Variants in XRRA1 observed in about 807,000 individuals in gnomAD.
XRRA1 encodes X-ray radiation resistance associated 1.
In XRRA1, 69 loss-of-function variants were observed where a neutral mutation model predicts 80.2. That is an observed-to-expected ratio of 0.86 (90% CI 0.71 to 1.05). The LOEUF (loss-of-function observed/expected upper bound fraction) is 1.05. XRRA1 is among the 50% of genes least tolerant of loss of function. The pLI is 0.00. For missense variants in XRRA1, 967 were observed against 976.4 expected, an observed-to-expected ratio of 0.99 and a Z score of 0.13; for synonymous variants, 348 against 389.9, an observed-to-expected ratio of 0.89 and a Z score of 1.27.
rs1451955173 is a variant in XRRA1 at position 74,844,868 on chromosome 11, G to A, written c.1927+205C>T. 2.0e-5 allele frequency among the ~76,000 whole-genome samples: 3 copies of A among 152,262 alleles called. No homozygotes were observed. The East Asian group carries it at 5.8e-4, about 29-fold the overall frequency. On this transcript the variant is annotated intron_variant, in intron 16 of 18. Coordinates refer to ENST00000684022, the MANE Select transcript of XRRA1 (RefSeq NM_001378157.1). ...AAACTGTGGCTCCCCATAAGCCAGT[G>A]AAGGCCTAGGCCAGGACAGGGGTCC...
At position 74,843,625 on chromosome 11, in the gene XRRA1, CT is replaced by C. The variant is rs1441154599; in HGVS notation, c.2150-173del. On this transcript the variant is annotated intron_variant, in intron 18 of 18. Coordinates refer to ENST00000684022, the MANE Select transcript of XRRA1 (RefSeq NM_001378157.1). ...GGAAGTCACTGACTTCCTACTGCCC[CT>C]ATGCATTGACTCTATCTTAAGCCCT... 5.4e-6 allele frequency: 5 copies of C among 920,316 alleles called. No homozygotes were observed. The African/African-American group carries it at 6.7e-5, about 12-fold the overall frequency. The allele number at this position is 920,316 out of a possible 1,614,324, so 57.0% of individuals were successfully genotyped here.
chr11:74,868,249 A>C, intron 10 of XRRA1, among the ~76,000 whole-genome samples: 1 of 152,136 alleles, frequency 6.6e-6, no homozygotes, highest in Non-Finnish European at 1.5e-5. Flanking sequence ...ATTTCCAACC[A>C]AGAATTTCAT....
chr11:74,878,387 T>C (rs1404562712), intron 10 of XRRA1, among the ~76,000 whole-genome samples: 13 of 151,740 alleles, frequency 8.6e-5, no homozygotes, highest in East Asian at 1.9e-4. Context: ...GAGTAGGTTG[T>C]GAAAATTTTC....
In XRRA1 at chr11:74,949,089, A is replaced by G; in HGVS notation, c.-234T>C. On this transcript the variant is annotated 5_prime_UTR_variant, in exon 1 of 19. Coordinates refer to ENST00000684022, the MANE Select transcript of XRRA1 (RefSeq NM_001378157.1). ...TAGTAACTGCGACGCGACGGCAGAC[A>G]GTGTAGGCGGCAACCGACGGCCGGG... 2.0e-6 allele frequency: 1 copy of G among 500,252 alleles called. No homozygotes were observed. Among genetic ancestry groups the G allele is most frequent in the Non-Finnish European group, 3.5e-6 (1 of 282,728 alleles). The allele number at this position is 500,252 out of a possible 1,614,324, so 31.0% of individuals were successfully genotyped here.
intron 3 of XRRA1, 139 bp from the exon 4 acceptor site, chr11:74,937,207 G>A (rs1945208976): frequency 5.8e-6 from 5 of 857,146 alleles, no homozygotes; most frequent in Non-Finnish European, 8.6e-6. Flanking sequence ...CTGCAGCTGG[G>A]GGTAGGGGAG....
chr11:74,884,022 A>G (rs2048401216), intron 10 of XRRA1, among the ~76,000 whole-genome samples: 1 of 152,144 alleles, frequency 6.6e-6, no homozygotes, highest in Non-Finnish European at 1.5e-5. Context: ...AACATGGTGA[A>G]ACCCCATCTT....
chr11:74,881,407 C>G lies in XRRA1; in HGVS notation c.1004-18386G>C, dbSNP rs575883596. On this transcript the variant is annotated intron_variant, in intron 10 of 18. Coordinates refer to ENST00000684022, the MANE Select transcript of XRRA1 (RefSeq NM_001378157.1). Reference sequence around the variant, plus strand: ...AATACAGCACACTGATGGGTCTTGACTCTTTATCCAATTTGCCAGTCTGTG... The same window carrying G: ...AATACAGCACACTGATGGGTCTTGAGTCTTTATCCAATTTGCCAGTCTGTG... Among the ~76,000 whole-genome samples the G allele has an allele frequency of 6.8e-4, 102 of 151,064 alleles. 1 individual carries two copies. Among genetic ancestry groups the G allele is most frequent in the Middle Eastern group, 3.4e-3 (1 of 294 alleles).
At chr11:74,882,826 G>T (rs1379923675) in intron 10 of XRRA1, among the ~76,000 whole-genome samples, 1 of 152,096 alleles carries the variant, frequency 6.6e-6, no homozygotes, top group Non-Finnish European at 1.5e-5. Flanking sequence ...GCTGCTTGGG[G>T]GTCAGGGGTC....
At chr11:74,897,719 A>AG (rs1555069016) in intron 10 of XRRA1, among the ~76,000 whole-genome samples, 5 of 150,948 alleles carry the variant, frequency 3.3e-5, no homozygotes, top group Non-Finnish European at 5.9e-5. Flanking sequence ...AAAAAAAAAA[A>AG]AAAGAAAAAA....
chr11:74,884,563 T>A lies in XRRA1; in HGVS notation c.1004-21542A>T, dbSNP rs564386248. ...CTCACCAGGCACCTATAAAAACCCC[T>A]GCATTTCACTGCAGATCCAGCAACT... On this transcript the variant is annotated intron_variant, in intron 10 of 18. Transcript: ENST00000684022. Among the ~76,000 whole-genome samples the A allele has an allele frequency of 8.3e-4, 126 of 152,324 alleles. 1 individual carries two copies. The highest frequency in any genetic ancestry group is 1.5e-3 in the Non-Finnish European group (101 of 68,018).
Position 74,848,196 on chromosome 11 carries a change from C to T in XRRA1, c.1647G>A (p.Leu549=), listed in dbSNP as rs375925396. 8 of 1,613,740 alleles carry T rather than the reference C, an allele frequency of 5.0e-6. No individual in the cohort carries two copies. The East Asian group carries it at 8.9e-5, about 18-fold the overall frequency. ...TVHSEETLSH[L]SDTTVRLSPE... is the part of the protein sequence containing the mutation. ...GGCTGAGGCGGACAGTTGTGTCACT[C>T]AGGTGGGACAGGGTCTCTTCACTAT... The change falls in exon 15 of 19, where the codon CTG becomes CTA. Residue 549 remains leucine (L), a synonymous_variant. Transcript: ENST00000684022.
chr11:74,843,104 C>T lies in XRRA1; in HGVS notation c.*96G>A. On this transcript the variant is annotated 3_prime_UTR_variant, in exon 19 of 19. Coordinates refer to ENST00000684022, the MANE Select transcript of XRRA1 (RefSeq NM_001378157.1). ...CCCAGCTGAGCTCTGAGGCCTGTGG[C>T]CGGCTGGTCAACCTTGAGGTGCGGT... is the stretch of plus-strand genomic sequence containing the variant. 3 of 1,439,626 alleles carry T rather than the reference C, an allele frequency of 2.1e-6. No homozygotes were observed. In the East Asian group the frequency reaches 7.5e-5, roughly 36 times the overall value. 89.2% of individuals were successfully genotyped at this position (1,439,626 alleles called of 1,614,324 possible). A position where few individuals can be genotyped will look rare whatever the true frequency, so the allele number is the denominator to read the frequency against.
intron 2 of XRRA1, among the ~76,000 whole-genome samples, chr11:74,943,524 G>GGT (rs67590742): frequency 0.1 from 13,872 of 137,650 alleles, 855 homozygotes; most frequent in Middle Eastern, 0.19. Flanking sequence ...AGAGTAGGAG[G>GGT]GTGTGTGTGT....
At position 74,843,397 on chromosome 11, in the gene XRRA1, C is replaced by T. The variant is rs768658903; in HGVS notation, c.2206G>A (p.Glu736Lys). Residue 736 changes from glutamate to lysine, a missense_variant, in exon 19 of 19, where the codon GAG (glutamate) becomes AAG (lysine). By Grantham distance (56) the Glu-to-Lys change is moderately conservative. Coordinates refer to ENST00000684022, the MANE Select transcript of XRRA1 (RefSeq NM_001378157.1). ...AACTCCTTCAACAGCCTCTTGGCCT[C>T]CAGGTACTGCTTGTGGTTCACCAGC... ...RRLVNHKQYLEAKRLLKEFQA... is the reference protein window; with the variant it reads ...RRLVNHKQYLKAKRLLKEFQA... 3 of 1,612,642 alleles carry T rather than the reference C, an allele frequency of 1.9e-6. No homozygotes were observed. The highest frequency in any genetic ancestry group is 3.3e-5 in the Admixed American group (2 of 59,850).
intron 9 of XRRA1, chr11:74,906,799 G>C (rs1439285792): frequency 2.6e-6 from 1 of 385,626 alleles, no homozygotes; most frequent in Non-Finnish European, 4.6e-6. Flanking sequence ...ACTTCAGTTA[G>C]AATTCAGGAA....
chr11:74,944,677 CT>C (rs1947142489), intron 2 of XRRA1, among the ~76,000 whole-genome samples: 1 of 152,176 alleles, frequency 6.6e-6, no homozygotes, highest in Non-Finnish European at 1.5e-5. Context: ...AACTTCTCAC[CT>C]GTTGTGGGGC....
chr11:74,921,478 A>C, intron 7 of XRRA1, 131 bp from the exon 8 acceptor site: 1 of 1,205,676 alleles, frequency 8.3e-7, no homozygotes, highest in Non-Finnish European at 1.2e-6. Flanking sequence ...TCTCCAGATT[A>C]ATATTCAAGG....
At chr11:74,935,033 T>A (rs1296216487) in intron 4 of XRRA1, among the ~76,000 whole-genome samples, 4 of 152,218 alleles carry the variant, frequency 2.6e-5, no homozygotes, top group Non-Finnish European at 4.4e-5. Flanking sequence ...CTCCAAGCAA[T>A]AAGTCGTGAT....
chr11:74,854,619 T>TA (rs1268905270), intron 12 of XRRA1, among the ~76,000 whole-genome samples: 1 of 152,114 alleles, frequency 6.6e-6, no homozygotes, highest in Non-Finnish European at 1.5e-5. Context: ...TTTCAATCAT[T>TA]AAAAAATGTA....
Sources: gnomAD v4.1 joint callset for allele counts (sites outside exome capture counted in the v4.1 genomes callset) on GRCh38, gnomAD v4.1.1 for gene constraint, MANE v1.5 for transcripts, NCBI Gene and HGNC (gene_info 2026-07-23, HGNC 2026-07-21) for gene names.